ART4: variants seen among roughly 807,000 people sequenced by gnomAD.
The protein encoded by ART4 is ecto-ADP-ribosyltransferase 4.
In ART4, 14 loss-of-function variants were observed where a neutral mutation model predicts 24.2. That is an observed-to-expected ratio of 0.58 (90% CI 0.38 to 0.90). The LOEUF is 0.90. ART4 is among the 40% of genes least tolerant of loss of function. The probability of loss-of-function intolerance (pLI) is 0.00; values close to 1 mark genes in which losing one functional copy is unlikely to be tolerated. For missense variants in ART4, 356 were observed against 366.6 expected, an observed-to-expected ratio of 0.97 and a Z score of 0.24; for synonymous variants, 145 against 139.9, an observed-to-expected ratio of 1.04 and a Z score of -0.26.
chr12:14,841,006 G>T lies in ART4; in HGVS notation c.292C>A (p.Gln98Lys). 1.2e-6 allele frequency: 2 copies of T among 1,614,128 alleles called. No homozygotes were observed. The highest frequency in any genetic ancestry group is 1.7e-6 in the Non-Finnish European group (2 of 1,180,028). The change falls in exon 2 of 3, where the codon CAA becomes AAA. Residue 98 changes from glutamine (Q) to lysine (K), a missense_variant. By Grantham distance (53) the Gln-to-Lys change is moderately conservative. Coordinates refer to ENST00000228936, the MANE Select transcript of ART4 (RefSeq NM_021071.4). Reference protein sequence around the residue: ...EAQKNYFRMWQKAHLAWLNQG... With the variant: ...EAQKNYFRMWKKAHLAWLNQG... ...TTAAGCCAGGCTAAGTGGGCTTTTT[G>T]CCACATCCTAAAATAATTCTTCTGG...
At position 14,843,107 on chromosome 12, in the gene ART4, G is replaced by A; in HGVS notation, c.7C>T (p.Pro3Ser). The stretch of plus-strand genomic sequence containing the variant: ...ATCTTCTTGCATCTGTTGATCAATG[G>A]ACCCATTTGCTTGTGTCACAAGTAC... MG[P>S]LINRCKKILL... is the part of the protein sequence containing the mutation. Residue 3 changes from proline to serine, a missense_variant, in exon 1 of 3, where the codon CCA becomes TCA. Coordinates refer to ENST00000228936, the MANE Select transcript of ART4 (RefSeq NM_021071.4). 6.2e-7 allele frequency: 1 copy of A among 1,614,020 alleles called. No homozygotes were observed. Among genetic ancestry groups the A allele is most frequent in the Admixed American group, 1.7e-5 (1 of 60,016 alleles).
intron 1 of ART4, among the ~76,000 whole-genome samples, chr12:14,842,274 C>T (rs1863062944): frequency 6.6e-6 from 1 of 152,156 alleles, no homozygotes; most frequent in Non-Finnish European, 1.5e-5. Flanking sequence ...GATCACATTC[C>T]ATCCAGTCAA....
At chr12:14,842,293 A>C (rs1360204771) in intron 1 of ART4, among the ~76,000 whole-genome samples, 1 of 152,206 alleles carries the variant, frequency 6.6e-6, no homozygotes, top group African/African-American at 2.4e-5. Flanking sequence ...AATGTTAAGG[A>C]TGTTGGAACT....
At chr12:14,838,584 G>A (rs1950445385) in intron 2 of ART4, among the ~76,000 whole-genome samples, 1 of 152,150 alleles carries the variant, frequency 6.6e-6, no homozygotes, top group Admixed American at 6.5e-5. Context: ...CTGTGGGGCA[G>A]ATACTCATTT....
Position 14,825,712 on chromosome 12 carries a change from T to C in ART4, c.*3659A>G, listed in dbSNP as rs1230310990. 1 of 152,204 alleles carries C rather than the reference T, an allele frequency of 6.6e-6. No homozygotes were observed. The highest frequency in any genetic ancestry group is 1.5e-5 in the Non-Finnish European group (1 of 68,044). The allele number at this position is 152,204 out of a possible 1,614,324, so 9.4% of individuals were successfully genotyped here. On this transcript the variant is annotated 3_prime_UTR_variant, in exon 3 of 3. Transcript: ENST00000228936. ...AATTTGATTCATATTATTAGACAAC[T>C]CAGTACAAGAATCCTGATTCTTCTA...
rs186767789 is a variant in ART4, at chr12:14,838,024, C to G, written c.853+2421G>C. On this transcript the variant is annotated intron_variant, in intron 2 of 2. Transcript: ENST00000228936. ...AAATACTAGTTCCTCAAATACTAGT[C>G]GAGTTCCTGCCCCCAGGGAGCTTAT... Among the ~76,000 whole-genome samples the G allele has an allele frequency of 4.6e-5, 7 of 152,262 alleles. No homozygotes were observed. The East Asian group carries it at 1.4e-3, about 29-fold the overall frequency.
rs1863085093 is a variant in ART4 at position 14,843,302 on chromosome 12, T to C, written c.-189A>G. 3.3e-6 allele frequency: 2 copies of C among 600,206 alleles called. No individual in the cohort carries two copies. The highest frequency in any genetic ancestry group is 3.7e-5 in the African/African-American group (2 of 53,766). 37.2% of individuals were successfully genotyped at this position (600,206 alleles called of 1,614,324 possible). On this transcript the variant is annotated 5_prime_UTR_variant, in exon 1 of 3. Coordinates refer to ENST00000228936, the MANE Select transcript of ART4 (RefSeq NM_021071.4). ...GAGGGAAGAAATCAACTCCGACTTC[T>C]TTGCAAAACTGAAATCTCTGTGAAA...
At chr12:14,837,172 C>A (rs191676716) in intron 2 of ART4, among the ~76,000 whole-genome samples, 1 of 152,208 alleles carries the variant, frequency 6.6e-6, no homozygotes, top group Non-Finnish European at 1.5e-5. Flanking sequence ...CATGGCCACA[C>A]AAGCTTCTAA....
Position 14,827,602 on chromosome 12 carries a change from C to T in ART4, c.*1769G>A, listed in dbSNP as rs1950367524. ...TATTTGTAGTAGAGACGGGGTTTCACCATGCTGGCCAGGCTGGTCTTGAAC... is the reference window on the plus strand; with the variant it reads ...TATTTGTAGTAGAGACGGGGTTTCATCATGCTGGCCAGGCTGGTCTTGAAC... On this transcript the variant is annotated 3_prime_UTR_variant, in exon 3 of 3. Transcript: ENST00000228936. The T allele has an allele frequency of 6.6e-6, 1 of 151,992 alleles. No homozygotes were observed. The highest frequency in any genetic ancestry group is 6.6e-5 in the Admixed American group (1 of 15,266). The allele number at this position is 151,992 out of a possible 1,614,324, so 9.4% of individuals were successfully genotyped here.
chr12:14,834,102 A>C (rs544226140), intron 2 of ART4, among the ~76,000 whole-genome samples: 1 of 152,240 alleles, frequency 6.6e-6, no homozygotes, highest in Admixed American at 6.5e-5. Context: ...CATTTTATAA[A>C]TGAAGAAACA....
chr12:14,835,645 G>T (rs377356994), intron 2 of ART4, among the ~76,000 whole-genome samples: 3 of 149,954 alleles, frequency 2.0e-5, no homozygotes, highest in East Asian at 3.9e-4. Context: ...TCATTCTGTT[G>T]CCCAGGCTGG....
chr12:14,831,083 CT>C (rs1226084285), intron 2 of ART4, among the ~76,000 whole-genome samples: 1 of 151,928 alleles, frequency 6.6e-6, no homozygotes, highest in Non-Finnish European at 1.5e-5. Flanking sequence ...CCTAGAGAGT[CT>C]GATTTAAGAG....
In ART4 at chr12:14,829,381, C is replaced by T. The variant is rs1254194877; in HGVS notation, c.935G>A (p.Ser312Asn). The T allele has an allele frequency of 6.3e-7, 1 of 1,592,244 alleles. No homozygotes were observed. The highest frequency in any genetic ancestry group is 1.3e-5 in the African/African-American group (1 of 74,156). ...FLTSVIIFSK[S>N]RV Reference sequence around the variant, plus strand: ...AGCCACAAGATTTCTTTATACTCTGCTTTTGGAAAAGATGATGACACTGGT... The same window carrying T: ...AGCCACAAGATTTCTTTATACTCTGTTTTTGGAAAAGATGATGACACTGGT... Residue 312 changes from serine (S) to asparagine (N), a missense_variant, in exon 3 of 3, where the codon AGC becomes AAC. By Grantham distance (46) the Ser-to-Asn change is conservative. Coordinates refer to ENST00000228936, the MANE Select transcript of ART4 (RefSeq NM_021071.4).
At chr12:14,835,421 G>T (rs994060488) in intron 2 of ART4, among the ~76,000 whole-genome samples, 1 of 152,078 alleles carries the variant, frequency 6.6e-6, no homozygotes, top group Non-Finnish European at 1.5e-5. Context: ...TCCTCTTATT[G>T]TTCATGTATG....
At chr12:14,835,746 C>A (rs1272100980) in intron 2 of ART4, among the ~76,000 whole-genome samples, 1 of 151,978 alleles carries the variant, frequency 6.6e-6, no homozygotes, top group Non-Finnish European at 1.5e-5. Context: ...GCTGGGATTA[C>A]AGGCTCGTGC....
chr12:14,841,562 A>C (rs1185992734), intron 1 of ART4, among the ~76,000 whole-genome samples: 1 of 152,204 alleles, frequency 6.6e-6, no homozygotes, highest in East Asian at 1.9e-4. Flanking sequence ...ATGAATGCCC[A>C]AAACCAAATT....
At chr12:14,840,377 A>C (rs1950458428) in intron 2 of ART4, 68 bp downstream of exon 2, 1 of 1,379,186 alleles carries the variant, frequency 7.3e-7, no homozygotes, top group Non-Finnish European at 9.8e-7. Context: ...ACCCACTGAG[A>C]AAAAATAACT....
At chr12:14,829,613 C>G in intron 2 of ART4, 151 bp from the exon 3 acceptor site, 1 of 597,530 alleles carries the variant, frequency 1.7e-6, no homozygotes, top group Non-Finnish European at 2.9e-6. Context: ...TTAGATTTTT[C>G]TAACATAACT....
intron 2 of ART4, among the ~76,000 whole-genome samples, chr12:14,833,159 A>G (rs1034379710): frequency 1.3e-5 from 2 of 152,218 alleles, no homozygotes; most frequent in African/African-American, 2.4e-5. Flanking sequence ...CATAGCCATC[A>G]TTGTTTAATA....
Sources: allele counts gnomAD v4.1 joint callset (sites outside exome capture counted in the v4.1 genomes callset), GRCh38; gene constraint gnomAD v4.1.1; transcripts MANE v1.5; gene names NCBI Gene and HGNC (gene_info 2026-07-23, HGNC 2026-07-21).